ANKRD20A1: variants seen among roughly 807,000 people sequenced by gnomAD.
ANKRD20A1 encodes ankyrin repeat domain-containing protein 20A1.
A neutral mutation model predicts 50.9 loss-of-function variants in ANKRD20A1; 2 were observed. The observed-to-expected ratio is 0.04, with a 90% CI of 0.02 to 0.12. The LOEUF (loss-of-function observed/expected upper bound fraction) is 0.12, where lower values mean the gene tolerates loss of function less well. ANKRD20A1 is among the 10% of genes least tolerant of loss of function. The pLI, the probability that ANKRD20A1 is intolerant of heterozygous loss-of-function variation, is 1.00. For missense variants in ANKRD20A1, 31 were observed against 548.1 expected (o/e 0.06, Z 9.42); for synonymous variants, 10 against 186.2 (o/e 0.05, Z 7.70).
intron 9 of ANKRD20A1, among the ~76,000 whole-genome samples, chr9:67,885,626 A>G (rs1249289247): frequency 2.6e-5 from 4 of 152,300 alleles, no homozygotes; most frequent in African/African-American, 9.6e-5. Flanking sequence ...ATAATGTAGT[A>G]TTAAATTGAG....
intron 3 of ANKRD20A1, among the ~76,000 whole-genome samples, chr9:67,865,893 AG>A (rs1827558973): frequency 6.7e-6 from 1 of 149,618 alleles, no homozygotes; most frequent in Non-Finnish European, 1.5e-5. Flanking sequence ...TATAGTCTAT[AG>A]AGTATATAAA....
At chr9:67,881,180 G>A in intron 8 of ANKRD20A1, among the ~76,000 whole-genome samples, 1 of 149,216 alleles carries the variant, frequency 6.7e-6, no homozygotes, top group Non-Finnish European at 1.5e-5. Flanking sequence ...TTGGGAATTT[G>A]AGGCAGGAAG....
chr9:67,870,483 T>TTA (rs1419976062), intron 5 of ANKRD20A1, among the ~76,000 whole-genome samples: 2 of 77,242 alleles, frequency 2.6e-5, no homozygotes, highest in Non-Finnish European at 5.8e-5. Flanking sequence ...CTCACTAAAT[T>TTA]TATATATATA....
chr9:67,859,378 G>GC lies in ANKRD20A1; in HGVS notation c.-44dup, dbSNP rs1419531845. 3.4e-6 allele frequency: 2 copies of GC among 591,058 alleles called. 1 individual carries two copies. Among genetic ancestry groups the GC allele is most frequent in the Admixed American group, 6.3e-5 (2 of 31,744 alleles). The allele number at this position is 591,058 out of a possible 1,614,324, so 36.6% of individuals were successfully genotyped here. A position where few individuals can be genotyped will look rare whatever the true frequency, so the allele number is the denominator to read the frequency against. Reference sequence around the variant, plus strand: ...GGTGGTGAAAAGGTGACAGGGAGCTGCCCCCGCTCAAGAGCCGGTGGTTGG... The same window carrying GC: ...GGTGGTGAAAAGGTGACAGGGAGCTGCCCCCCGCTCAAGAGCCGGTGGTTGG... On this transcript the variant is annotated 5_prime_UTR_variant, in exon 1 of 15. Coordinates refer to ENST00000562196, the MANE Select transcript of ANKRD20A1 (RefSeq NM_032250.5).
At chr9:67,884,274 C>CG in intron 8 of ANKRD20A1, among the ~76,000 whole-genome samples, 1 of 150,094 alleles carries the variant, frequency 6.7e-6, no homozygotes, top group South Asian at 2.2e-4. Context: ...CATGATGGGA[C>CG]GCACCTGTAG....
intron 11 of ANKRD20A1, among the ~76,000 whole-genome samples, chr9:67,891,386 A>C (rs1251441989): frequency 6.7e-3 from 785 of 116,518 alleles, no homozygotes; most frequent in African/African-American, 0.02. Context: ...GAAACAGAAA[A>C]AGTGTAAAGT....
At chr9:67,868,973 GA>G (rs1827620161) in intron 5 of ANKRD20A1, among the ~76,000 whole-genome samples, 1 of 70,912 alleles carries the variant, frequency 1.4e-5, no homozygotes, top group Non-Finnish European at 3.2e-5. Flanking sequence ...CTCGGCCTCT[GA>G]AAGTGCTAGC....
intron 11 of ANKRD20A1, among the ~76,000 whole-genome samples, chr9:67,890,838 CT>C (rs1384479538): frequency 6.8e-6 from 1 of 146,878 alleles, no homozygotes; most frequent in African/African-American, 2.5e-5. Flanking sequence ...TCTCTTTCCC[CT>C]TATGTCTAGA....
chr9:67,893,604 C>CTTTA (rs1827969692), intron 12 of ANKRD20A1, 98 bp downstream of exon 12: 1 of 86,672 alleles, frequency 1.2e-5, no homozygotes, highest in Non-Finnish European at 2.2e-5. Context: ...TAGACTATAC[C>CTTTA]TTTAGAATCC....
At chr9:67,865,012 G>A (rs578152883) in intron 3 of ANKRD20A1, among the ~76,000 whole-genome samples, 8 of 124,542 alleles carry the variant, frequency 6.4e-5, no homozygotes, top group Non-Finnish European at 1.3e-4. Context: ...TCTTTCAATA[G>A]GTAGAGGCTG....
At position 67,881,233 on chromosome 9, in the gene ANKRD20A1, G is replaced by A. The variant is rs576247192; in HGVS notation, c.894+688G>A. On this transcript the variant is annotated intron_variant, in intron 8 of 14. Coordinates refer to ENST00000562196, the MANE Select transcript of ANKRD20A1 (RefSeq NM_032250.5). ...GTTTGAGAACAGCCTGGGCAACATC[G>A]TATCTGATTTAAAAATATAAATTGT... Among the ~76,000 whole-genome samples, 23 of 142,672 alleles carry A rather than the reference G, an allele frequency of 1.6e-4. 1 individual carries two copies. In the East Asian group the frequency reaches 2.2e-3, roughly 14 times the overall value. 93.6% of individuals were successfully genotyped at this position (142,672 alleles called of 152,430 possible).
Position 67,859,615 on chromosome 9 carries a change from G to A in ANKRD20A1, c.189G>A (p.Leu63=), listed in dbSNP as rs1827484393. 3.2e-6 allele frequency: 2 copies of A among 622,872 alleles called. 1 individual carries two copies. Among genetic ancestry groups the A allele is most frequent in the Admixed American group, 6.5e-5 (2 of 30,670 alleles). 38.6% of individuals were successfully genotyped at this position (622,872 alleles called of 1,614,324 possible). The change falls in exon 1 of 15, where the codon CTG becomes CTA. Residue 63 remains leucine (L), a synonymous_variant. Transcript: ENST00000562196. The stretch of plus-strand genomic sequence containing the variant: ...GCAGGAGCGGAGACCTGGACGCCCT[G>A]GACAAGCAGCACAGGTAGCGGGGGC... ...LARRSGDLDA[L]DKQHRTALHL...
chr9:67,878,837 A>G (rs1463737189), intron 7 of ANKRD20A1, among the ~76,000 whole-genome samples: 17 of 81,314 alleles, frequency 2.1e-4, no homozygotes, highest in African/African-American at 5.5e-4. Flanking sequence ...TAATAATACA[A>G]ACAGGAGTGA....
At chr9:67,881,661 G>A (rs1827798684) in intron 8 of ANKRD20A1, among the ~76,000 whole-genome samples, 1 of 152,258 alleles carries the variant, frequency 6.6e-6, no homozygotes, top group Non-Finnish European at 1.5e-5. Context: ...CAGGCGTGAT[G>A]GTGCATGCCT....
At position 67,860,493 on chromosome 9, in the gene ANKRD20A1, TCAAA is replaced by T. The variant is rs1484901902; in HGVS notation, c.203+867_203+870del. The T allele has an allele frequency of 4.3e-5, 2 of 46,596 alleles. 1 individual carries two copies. The highest frequency in any genetic ancestry group is 8.5e-5 in the Non-Finnish European group (2 of 23,612). The allele number at this position is 46,596 out of a possible 1,614,324, so 2.9% of individuals were successfully genotyped here. A position where few individuals can be genotyped will look rare whatever the true frequency, so the allele number is the denominator to read the frequency against. ...CAGGGAATTCTTTCAAATCAAATCA[TCAAA>T]CACTCTAAAAGTGGGCAAAGTACCT... On this transcript the variant is annotated intron_variant, in intron 1 of 14. Coordinates refer to ENST00000562196, the MANE Select transcript of ANKRD20A1 (RefSeq NM_032250.5).
At chr9:67,884,369 A>C (rs1416693430) in intron 8 of ANKRD20A1, 117 bp from the exon 9 acceptor site, 1 of 1,033,426 alleles carries the variant, frequency 9.7e-7, no homozygotes, top group Admixed American at 2.6e-5. Flanking sequence ...AGGCCCCTGC[A>C]TTCTAGCCCT....
At chr9:67,867,738 A>G (rs887602257) in intron 4 of ANKRD20A1, among the ~76,000 whole-genome samples, 3 of 105,118 alleles carry the variant, frequency 2.9e-5, no homozygotes, top group African/African-American at 9.1e-5. Flanking sequence ...AGCTCACTGC[A>G]TTCTCCACCT....
chr9:67,877,580 GTAGAGTCTTAC>G (rs1827751218), intron 6 of ANKRD20A1, among the ~76,000 whole-genome samples, 169 bp from the exon 7 acceptor site: 2 of 150,692 alleles, frequency 1.3e-5, no homozygotes, highest in Non-Finnish European at 3.0e-5. Flanking sequence ...TTTTATGAAG[GTAGAGTCTTAC>G]TATGTTTCCC....
At chr9:67,881,143 G>C (rs866451625) in intron 8 of ANKRD20A1, among the ~76,000 whole-genome samples, 90 of 150,614 alleles carry the variant, frequency 6.0e-4, no homozygotes, top group Middle Eastern at 3.4e-3. Flanking sequence ...ACTGAGTGTG[G>C]TGGTGTACAC....
Sources: gnomAD v4.1 joint callset for allele counts (sites outside exome capture counted in the v4.1 genomes callset) on GRCh38, gnomAD v4.1.1 for gene constraint, MANE v1.5 for transcripts, NCBI Gene and HGNC (gene_info 2026-07-23, HGNC 2026-07-21) for gene names.